RTN1: variants seen among roughly 807,000 people sequenced by gnomAD.
RTN1 encodes reticulon 1.
Under a neutral mutation model 65.5 loss-of-function variants are expected in RTN1, and 25 were observed. That is an observed-to-expected ratio of 0.38 (90% CI 0.28 to 0.53). RTN1 has a LOEUF of 0.53. Among genes scored for constraint, RTN1 ranks in the 20% least tolerant of loss-of-function variants. RTN1 has a pLI of 0.79. For synonymous variants in RTN1, 471 were observed against 447.6 expected, an observed-to-expected ratio of 1.05 and a Z score of -0.66; for missense variants, 983 against 1,025.4, an observed-to-expected ratio of 0.96 and a Z score of 0.57.
chr14:59,803,492 T>A lies in RTN1; in HGVS notation c.242-57011A>T, dbSNP rs1321042123. Among the ~76,000 whole-genome samples, 1 of 152,204 alleles carries A rather than the reference T, an allele frequency of 6.6e-6. No homozygotes were observed. The highest frequency in any genetic ancestry group is 1.5e-5 in the Non-Finnish European group (1 of 68,030). ...CCACCCAAATCTACTCTGGCCTGAA[T>A]TATTCAAGTTAAATACAACCTTCTT... On this transcript the variant is annotated intron_variant, in intron 1 of 8. Transcript: ENST00000267484. This position sits in a 1 kb window ranked among gnomAD's most constrained non-coding sequence, Gnocchi z 5.6.
In RTN1 at chr14:59,809,718, T is replaced by C. The variant is rs190668620; in HGVS notation, c.241+60672A>G. Among the ~76,000 whole-genome samples, 135 of 152,280 alleles carry C rather than the reference T, an allele frequency of 8.9e-4. 1 individual carries two copies. The highest frequency in any genetic ancestry group is 2.5e-3 in the East Asian group (13 of 5,188). ...GGAAGTCTAGTCACAGGACTTTTCA[T>C]GTGAAAGTCTCCTACCTTGGGCCCA... On this transcript the variant is annotated intron_variant, in intron 1 of 8. Transcript: ENST00000267484.
At chr14:59,740,355 G>T (rs921612251) in intron 2 of RTN1, among the ~76,000 whole-genome samples, 1 of 152,180 alleles carries the variant, frequency 6.6e-6, no homozygotes, top group Non-Finnish European at 1.5e-5. Context: ...CTCCATGTGT[G>T]ATTCTAACAG....
intron 1 of RTN1, among the ~76,000 whole-genome samples, chr14:59,795,793 T>C (rs970581775): frequency 1.1e-4 from 17 of 152,206 alleles, no homozygotes; most frequent in African/African-American, 3.1e-4. Context: ...TAATTGTTGC[T>C]GATTAATGTC....
At position 59,803,012 on chromosome 14, in the gene RTN1, C is replaced by T. The variant is rs921830996; in HGVS notation, c.242-56531G>A. On this transcript the variant is annotated intron_variant, in intron 1 of 8. Coordinates refer to ENST00000267484, the MANE Select transcript of RTN1 (RefSeq NM_021136.3). This position sits in a 1 kb window ranked among gnomAD's most constrained non-coding sequence, Gnocchi z 5.6. ...CTTTCACTGAAAAAAAAAAACCCTA[C>T]ACAACAATCCACCATCCTCTTGGTG... is the stretch of plus-strand genomic sequence containing the variant. 6.6e-6 allele frequency among the ~76,000 whole-genome samples: 1 copy of T among 150,888 alleles called. No individual in the cohort carries two copies. Among genetic ancestry groups the T allele is most frequent in the Non-Finnish European group, 1.5e-5 (1 of 67,770 alleles).
chr14:59,750,070 T>C lies in RTN1; in HGVS notation c.242-3589A>G, dbSNP rs1885417257. On this transcript the variant is annotated intron_variant, in intron 1 of 8. Coordinates refer to ENST00000267484, the MANE Select transcript of RTN1 (RefSeq NM_021136.3). ...TATTATATTATATACATATATTATATATTATATATTATAGACATATATATT... is the reference window on the plus strand; with the variant it reads ...TATTATATTATATACATATATTATACATTATATATTATAGACATATATATT... Among the ~76,000 whole-genome samples the C allele has an allele frequency of 1.0e-4, 9 of 87,760 alleles. 1 individual carries two copies. The South Asian group carries it at 2.2e-3, about 21-fold the overall frequency. 57.6% of individuals were successfully genotyped at this position (87,760 alleles called of 152,430 possible). A position where few individuals can be genotyped will look rare whatever the true frequency, so the allele number is the denominator to read the frequency against.
In RTN1 at chr14:59,870,625, G is replaced by T. The variant is rs1373158014; in HGVS notation, c.6C>A (p.Ala2=). 3 of 1,403,094 alleles carry T rather than the reference G, an allele frequency of 2.1e-6. No individual in the cohort carries two copies. Among genetic ancestry groups the T allele is most frequent in the South Asian group, 1.5e-5 (1 of 64,518 alleles). The allele number at this position is 1,403,094 out of a possible 1,614,324, so 86.9% of individuals were successfully genotyped here. A position where few individuals can be genotyped will look rare whatever the true frequency, so the allele number is the denominator to read the frequency against. ...GCTCGTCCTGCGGATCCCCCGGCGC[G>T]GCCATGGCTGGCGGTCCCCCGGCGC... M[A]APGDPQDELL... The change falls in exon 1 of 9, where the codon GCC becomes GCA. Residue 2 remains alanine, a synonymous_variant. Transcript: ENST00000267484. The surrounding 1 kb of genome is among the most constrained non-coding windows in gnomAD (Gnocchi z 5.1).
intron 3 of RTN1, among the ~76,000 whole-genome samples, chr14:59,661,259 CAAAAA>C (rs768483248): frequency 2.4e-5 from 2 of 83,400 alleles, no homozygotes; most frequent in East Asian, 3.7e-4. Context: ...GCCTACCAAC[CAAAAA>C]AAAAAAAAAA....
At chr14:59,616,329 T>C (rs1882100292) in intron 3 of RTN1, among the ~76,000 whole-genome samples, 1 of 152,198 alleles carries the variant, frequency 6.6e-6, no homozygotes, top group Admixed American at 6.5e-5. Context: ...TCTTTAACTG[T>C]GGCTGCCTTA....
chr14:59,689,774 A>G (rs1009605557), intron 3 of RTN1, among the ~76,000 whole-genome samples: 9 of 152,328 alleles, frequency 5.9e-5, no homozygotes, highest in Non-Finnish European at 1.2e-4. Context: ...ATTCACTACT[A>G]TTAGACCAAC....
intron 3 of RTN1, among the ~76,000 whole-genome samples, chr14:59,679,211 T>G (rs1011011310): frequency 1.6e-4 from 25 of 152,338 alleles, no homozygotes; most frequent in African/African-American, 5.8e-4. Context: ...TAGAGAAGTA[T>G]TCTCAATTTC....
intron 3 of RTN1, among the ~76,000 whole-genome samples, chr14:59,656,783 A>C (rs1213823836): frequency 1.3e-5 from 2 of 152,214 alleles, no homozygotes; most frequent in Non-Finnish European, 2.9e-5. Context: ...CATAACTTGA[A>C]GTGGTTTCTG....
chr14:59,831,424 G>A (rs549946571), intron 1 of RTN1, among the ~76,000 whole-genome samples: 3 of 152,142 alleles, frequency 2.0e-5, no homozygotes, highest in Non-Finnish European at 2.9e-5. Context: ...CATGCCTGTG[G>A]ACACAAACTG....
intron 3 of RTN1, among the ~76,000 whole-genome samples, chr14:59,663,836 T>A (rs1472687987): frequency 6.6e-6 from 1 of 152,132 alleles, no homozygotes; most frequent in South Asian, 2.1e-4. Context: ...GGAGAGGATG[T>A]GGAGAAATAG....
At chr14:59,748,563 T>C (rs1424329242) in intron 1 of RTN1, among the ~76,000 whole-genome samples, 1 of 152,108 alleles carries the variant, frequency 6.6e-6, no homozygotes, top group Non-Finnish European at 1.5e-5. Context: ...TACCCTTCTC[T>C]GATTTTTCTT....
In RTN1 at chr14:59,726,580, C is replaced by T. The variant is rs532568680; in HGVS notation, c.1765+339G>A. ...GCCTGGACAATAACAAGAAAAGCAT[C>T]GCTTTCCTGGGGGAGGAAACCCAGC... On this transcript the variant is annotated intron_variant, in intron 3 of 8. Transcript: ENST00000267484. 1.2e-4 allele frequency among the ~76,000 whole-genome samples: 18 copies of T among 152,288 alleles called. No individual in the cohort carries two copies. The South Asian group carries it at 3.3e-3, about 28-fold the overall frequency.
At chr14:59,730,815 A>G (rs1884881262) in intron 2 of RTN1, among the ~76,000 whole-genome samples, 1 of 152,226 alleles carries the variant, frequency 6.6e-6, no homozygotes, top group African/African-American at 2.4e-5. Flanking sequence ...CTTCATAACC[A>G]TACTAGGATG....
intron 1 of RTN1, among the ~76,000 whole-genome samples, chr14:59,759,992 G>A (rs1173407598): frequency 1.3e-5 from 2 of 152,102 alleles, no homozygotes. Flanking sequence ...CTTGGAACCA[G>A]CAACCTTCTT....
chr14:59,762,809 C>G (rs1885776055), intron 1 of RTN1, among the ~76,000 whole-genome samples: 1 of 152,136 alleles, frequency 6.6e-6, no homozygotes, highest in Admixed American at 6.5e-5. Context: ...GGGCTGAACA[C>G]CTTTTTTGAG....
At chr14:59,787,219 C>G (rs1051288598) in intron 1 of RTN1, among the ~76,000 whole-genome samples, 9 of 152,092 alleles carry the variant, frequency 5.9e-5, no homozygotes, top group Admixed American at 3.9e-4. Context: ...GCTGAGCCCC[C>G]CTAGGGGAGC....
Sources: gnomAD v4.1 joint callset for allele counts (sites outside exome capture counted in the v4.1 genomes callset) on GRCh38, gnomAD v4.1.1 for gene constraint, Gnocchi (gnomAD v3.1) non-coding constraint, MANE v1.5 for transcripts, NCBI Gene and HGNC (gene_info 2026-07-23, HGNC 2026-07-21) for gene names.